The following ALDH6A1 variants were observed in gnomAD, a reference collection of about 807,000 sequenced individuals.
The protein encoded by ALDH6A1 is methylmalonate-semialdehyde/malonate-semialdehyde dehydrogenase [acylating], mitochondrial.
In ALDH6A1, 43 loss-of-function variants were observed where a neutral mutation model predicts 62.6. The ratio of observed to expected loss-of-function variants is 0.69; its 90% CI spans 0.54 to 0.89. The LOEUF (loss-of-function observed/expected upper bound fraction) is 0.89, where lower values mean the gene tolerates loss of function less well. Ranked by LOEUF, ALDH6A1 falls within the 40% of genes least tolerant of loss-of-function variation. ALDH6A1 has a pLI of 0.00. For synonymous variants in ALDH6A1, 194 were observed against 234.2 expected, an observed-to-expected ratio of 0.83 and a Z score of 1.57; for missense variants, 551 against 661.3, an observed-to-expected ratio of 0.83 and a Z score of 1.83.
In ALDH6A1 at chr14:74,057,336, A is replaced by G. The variant is rs1595095009; in HGVS notation, c.*3306T>C. 2.5e-6 allele frequency: 4 copies of G among 1,597,622 alleles called. No individual in the cohort carries two copies. The highest frequency in any genetic ancestry group is 3.3e-4 in the Middle Eastern group (2 of 6,048). ...TGTCGCTTCTTGCTAAATCACGGTT[A>G]TTTTCTCTACTAGTTGAGAGACTTC... On this transcript the variant is annotated 3_prime_UTR_variant, in exon 12 of 12. Transcript: ENST00000553458.
At position 74,068,856 on chromosome 14, in the gene ALDH6A1, T is replaced by TCACCA; in HGVS notation, c.851_852+3dup. 1 of 1,613,886 alleles carries TCACCA rather than the reference T, an allele frequency of 6.2e-7. No homozygotes were observed. The highest frequency in any genetic ancestry group is 1.1e-5 in the South Asian group (1 of 91,072). On this transcript the variant is annotated splice_donor_region_variant and intron_variant, in intron 7 of 11. Coordinates refer to ENST00000553458, the MANE Select transcript of ALDH6A1 (RefSeq NM_005589.4). The stretch of plus-strand genomic sequence containing the variant: ...GATTGGAGAAAAAAGGAATAAGAAG[T>TCACCA]CACCATATTGGCTTGAACCCTCTTG...
At position 74,072,265 on chromosome 14, in the gene ALDH6A1, T is replaced by C. The variant is rs1214781955; in HGVS notation, c.286A>G (p.Thr96Ala). ...CKRAFPAWADTSVLSRQQVLL... is the reference protein window; with the variant it reads ...CKRAFPAWADASVLSRQQVLL... ...ACCTGCTGGCGGCTTAATACTGAAG[T>C]GTCTGCCCATGCAGGAAAAGCACGT... The change falls in exon 4 of 12, where the codon ACT becomes GCT. Residue 96 changes from threonine (T) to alanine (A), a missense_variant. Transcript: ENST00000553458. 6.2e-7 allele frequency: 1 copy of C among 1,614,206 alleles called. No individual in the cohort carries two copies. Among genetic ancestry groups the C allele is most frequent in the Admixed American group, 1.7e-5 (1 of 60,028 alleles).
intron 1 of ALDH6A1, among the ~76,000 whole-genome samples, chr14:74,084,047 C>T (rs2060697039): frequency 6.6e-6 from 1 of 151,996 alleles, no homozygotes; most frequent in Non-Finnish European, 1.5e-5. Flanking sequence ...GAGATGAGGG[C>T]AAGAGAGTGA....
rs2060239365 is a variant in ALDH6A1, at chr14:74,057,440, T to C, written c.*3202A>G. On this transcript the variant is annotated 3_prime_UTR_variant, in exon 12 of 12. Transcript: ENST00000553458. ...AAGCAATATCCGTACAAATGCATAT[T>C]ATACTAATGCAAATGCAAATGTGTG... 1 of 1,486,864 alleles carries C rather than the reference T, an allele frequency of 6.7e-7. No individual in the cohort carries two copies. Among genetic ancestry groups the C allele is most frequent in the African/African-American group, 1.4e-5 (1 of 71,264 alleles). 92.1% of individuals were successfully genotyped at this position (1,486,864 alleles called of 1,614,324 possible).
rs1159551651 is a variant in ALDH6A1 at position 74,071,498 on chromosome 14, C to T, written c.428-1G>A. The T allele has an allele frequency of 6.2e-7, 1 of 1,613,800 alleles. No individual in the cohort carries two copies. Among genetic ancestry groups the T allele is most frequent in the Non-Finnish European group, 8.5e-7 (1 of 1,180,026 alleles). ...ACACTACAGGCATGCTCAACCACCT[C>T]TGGAACACAGAAGTCAGGCCATCAG... On this transcript the variant is annotated splice_acceptor_variant, in intron 5 of 11. Transcript: ENST00000553458. LOFTEE classifies it high-confidence loss of function.
chr14:74,067,285 C>A (rs559759955), intron 8 of ALDH6A1, 95 bp downstream of exon 8: 3 of 1,373,700 alleles, frequency 2.2e-6, no homozygotes, highest in East Asian at 2.3e-5. Flanking sequence ...CAAGAATAGA[C>A]ATGATTGTTC....
intron 1 of ALDH6A1, among the ~76,000 whole-genome samples, chr14:74,076,447 T>C (rs2139806916): frequency 6.6e-6 from 1 of 152,046 alleles, no homozygotes; most frequent in Admixed American, 6.5e-5. Flanking sequence ...CTGCAACCTC[T>C]GCCTCCCGTG....
In ALDH6A1 at chr14:74,057,070, C is replaced by G; in HGVS notation, c.*3572G>C. 1 of 1,592,812 alleles carries G rather than the reference C, an allele frequency of 6.3e-7. No individual in the cohort carries two copies. The highest frequency in any genetic ancestry group is 8.6e-7 in the Non-Finnish European group (1 of 1,165,060). ...AATGTGCTAATTGAAAGTAATATGA[C>G]AAGTCTGTTATTCTAAACCAGGTTT... On this transcript the variant is annotated 3_prime_UTR_variant, in exon 12 of 12. Transcript: ENST00000553458.
In ALDH6A1 at chr14:74,067,399, T is replaced by G; in HGVS notation, c.1023A>C (p.Lys341Asn). ...GATTACCTGCATTGACTCTCAGGTT[T>G]TTGGCATGCTCCACCAGCTCTGGCA... is the stretch of plus-strand genomic sequence containing the variant. ...KWLPELVEHA[K>N]NLRVNAGDQP... Residue 341 changes from lysine (K) to asparagine (N), a missense_variant, in exon 8 of 12, where the codon AAA becomes AAC. Physicochemically the swap from Lys to Asn is moderately conservative, Grantham distance 94. Transcript: ENST00000553458. The G allele has an allele frequency of 9.9e-6, 16 of 1,613,606 alleles. No homozygotes were observed. The highest frequency in any genetic ancestry group is 1.4e-5 in the Non-Finnish European group (16 of 1,180,032).
chr14:74,059,683 G>A lies in ALDH6A1; in HGVS notation c.*959C>T. On this transcript the variant is annotated 3_prime_UTR_variant, in exon 12 of 12. Transcript: ENST00000553458. ...GCACTCCAGCCTGGGCAACAAGAGT[G>A]AAACTCCATCTCAAAAAAAAGAAAA... The A allele has an allele frequency of 6.0e-6, 1 of 165,460 alleles. No homozygotes were observed. Among genetic ancestry groups the A allele is most frequent in the Non-Finnish European group, 1.3e-5 (1 of 76,958 alleles). 10.2% of individuals were successfully genotyped at this position (165,460 alleles called of 1,614,324 possible).
intron 11 of ALDH6A1, 41 bp from the exon 12 acceptor site, chr14:74,060,787 T>C: frequency 7.1e-7 from 1 of 1,410,334 alleles, no homozygotes; most frequent in Non-Finnish European, 1.0e-6. Context: ...ATTTCTGGGG[T>C]TTCATGATTC....
Position 74,064,856 on chromosome 14 carries a change from G to T in ALDH6A1, c.1469C>A (p.Ser490Tyr), listed in dbSNP as rs2060433749. The change falls in exon 11 of 12, where the codon TCC becomes TAC. Residue 490 changes from serine to tyrosine, a missense_variant. By Grantham distance (144) the Ser-to-Tyr change is moderately radical. Transcript: ENST00000553458. Reference protein sequence around the residue: ...PMFSFTGSRSSFRGDTNFYGK... With the variant: ...PMFSFTGSRSYFRGDTNFYGK... ...ATAGAAATTGGTGTCTCCCCTGAAG[G>T]AGGATCGAGAGCCGGTGAATGAGAA... is the stretch of plus-strand genomic sequence containing the variant. 3 of 1,614,006 alleles carry T rather than the reference G, an allele frequency of 1.9e-6. No individual in the cohort carries two copies. The highest frequency in any genetic ancestry group is 3.3e-5 in the Admixed American group (2 of 59,988).
rs1363993358 is a variant in ALDH6A1, at chr14:74,059,294, A to G, written c.*1348T>C. On this transcript the variant is annotated 3_prime_UTR_variant, in exon 12 of 12. Coordinates refer to ENST00000553458, the MANE Select transcript of ALDH6A1 (RefSeq NM_005589.4). ...AAAGAATATATAAAATTTGGCAAGT[A>G]ATAGCAGGTTAGATTTGCTTAAGGC... is the stretch of plus-strand genomic sequence containing the variant. 2.3e-6 allele frequency: 1 copy of G among 432,984 alleles called. No individual in the cohort carries two copies. Among genetic ancestry groups the G allele is most frequent in the Non-Finnish European group, 4.6e-6 (1 of 216,892 alleles). The allele number at this position is 432,984 out of a possible 1,614,324, so 26.8% of individuals were successfully genotyped here. A position where few individuals can be genotyped will look rare whatever the true frequency, so the allele number is the denominator to read the frequency against.
Position 74,084,269 on chromosome 14 carries a change from G to C in ALDH6A1, c.48+78C>G. 3 of 1,602,764 alleles carry C rather than the reference G, an allele frequency of 1.9e-6. No individual in the cohort carries two copies. The South Asian group carries it at 3.4e-5, about 18-fold the overall frequency. The stretch of plus-strand genomic sequence containing the variant: ...GGGGTTGGGCCAAGAAGGTGGTCCC[G>C]CCCGAGGATGGCTCAGGGAGCGGAC... On this transcript the variant is annotated intron_variant, in intron 1 of 11. Transcript: ENST00000553458.
chr14:74,059,058 T>G lies in ALDH6A1; in HGVS notation c.*1584A>C, dbSNP rs1406596307. The stretch of plus-strand genomic sequence containing the variant: ...AAGATCACGCCATTGCACTCTAGCC[T>G]GGGCAACAAGAGTGAAACTCCATCT... On this transcript the variant is annotated 3_prime_UTR_variant, in exon 12 of 12. Transcript: ENST00000553458. 1 of 150,416 alleles carries G rather than the reference T, an allele frequency of 6.6e-6. No homozygotes were observed. The highest frequency in any genetic ancestry group is 1.1e-4 in the Admixed American group (1 of 9,194). 9.3% of individuals were successfully genotyped at this position (150,416 alleles called of 1,614,324 possible). A position where few individuals can be genotyped will look rare whatever the true frequency, so the allele number is the denominator to read the frequency against.
chr14:74,078,477 C>G (rs1326824611), intron 1 of ALDH6A1: 4 of 262,328 alleles, frequency 1.5e-5, no homozygotes, highest in Non-Finnish European at 2.3e-5. Flanking sequence ...CCTCAGCCTC[C>G]CAAATAGCTG....
chr14:74,069,139 CTG>C, intron 6 of ALDH6A1, 158 bp from the exon 7 acceptor site: 1 of 750,712 alleles, frequency 1.3e-6, no homozygotes, highest in African/African-American at 2.2e-5. Context: ...GAGTCTCGCT[CTG>C]TTGCCCAGGC....
intron 11 of ALDH6A1, among the ~76,000 whole-genome samples, chr14:74,063,294 C>A (rs1353004438): frequency 6.6e-6 from 1 of 151,342 alleles, no homozygotes; most frequent in African/African-American, 2.4e-5. Context: ...TCAAAGGATT[C>A]TTCTGCCTCA....
intron 11 of ALDH6A1, among the ~76,000 whole-genome samples, chr14:74,063,850 A>C (rs2060403872): frequency 7.0e-6 from 1 of 142,282 alleles, no homozygotes; most frequent in South Asian, 2.5e-4. Context: ...TGTGCGACAG[A>C]GTGAGACTCT....
Sources: gnomAD v4.1 joint callset for allele counts (sites outside exome capture counted in the v4.1 genomes callset) on GRCh38, gnomAD v4.1.1 for gene constraint, MANE v1.5 for transcripts, NCBI Gene and HGNC (gene_info 2026-07-23, HGNC 2026-07-21) for gene names.